The following HECW2 variants were observed in gnomAD, a reference collection of about 807,000 sequenced individuals.
HECW2 encodes HECT, C2 and WW domain containing E3 ubiquitin protein ligase 2.
In HECW2, 61 loss-of-function variants were observed where a neutral mutation model predicts 175.2. The observed-to-expected ratio is 0.35, with a 90% confidence interval of 0.28 to 0.43. The LOEUF (loss-of-function observed/expected upper bound fraction) is 0.43. Among genes scored for constraint, HECW2 ranks in the 20% least tolerant of loss-of-function variants. The pLI is 1.00. For synonymous variants in HECW2, 671 were observed against 731.0 expected, an observed-to-expected ratio of 0.92 and a Z score of 1.32; for missense variants, 1,524 against 2,000.5, an observed-to-expected ratio of 0.76 and a Z score of 4.54.
At position 196,547,783 on chromosome 2, in the gene HECW2, G is replaced by C. The variant is rs1177243583; in HGVS notation, c.-36+45725C>G. The stretch of plus-strand genomic sequence containing the variant: ...CTCCCAGTCAGCAGGAAGGAAGAAA[G>C]AGAAATGGCTAGATTTTCCCCCATT... On this transcript the variant is annotated intron_variant, in intron 1 of 28. Transcript: ENST00000644978. Among the ~76,000 whole-genome samples the C allele has an allele frequency of 2.6e-5, 4 of 152,224 alleles. No homozygotes were observed. In the East Asian group the frequency reaches 7.7e-4, roughly 29 times the overall value.
In HECW2 at chr2:196,299,050, G is replaced by C. The variant is rs1357613904; in HGVS notation, c.2815-6300C>G. ...ATTAATTCATACCTTGAGACTTCTA[G>C]CAAGACAAATTCAGCTACTTCAATA... On this transcript the variant is annotated intron_variant, in intron 13 of 28. Coordinates refer to ENST00000644978, the MANE Select transcript of HECW2 (RefSeq NM_001348768.2). 3.3e-5 allele frequency among the ~76,000 whole-genome samples: 5 copies of C among 152,210 alleles called. No homozygotes were observed. In the East Asian group the frequency reaches 9.7e-4, roughly 29 times the overall value.
At chr2:196,471,969 C>G (rs1025297080) in intron 1 of HECW2, among the ~76,000 whole-genome samples, 2 of 122,446 alleles carry the variant, frequency 1.6e-5, no homozygotes, top group Non-Finnish European at 3.3e-5. Flanking sequence ...GAACCTAAAA[C>G]AAAAGTTTAA....
intron 1 of HECW2, among the ~76,000 whole-genome samples, chr2:196,454,753 T>G (rs73989926): frequency 0.011 from 1,662 of 152,318 alleles, 33 homozygotes; most frequent in African/African-American, 0.037. Flanking sequence ...ATTTTATAGC[T>G]GAGTTCAAAT....
chr2:196,258,862 C>T (rs186638658), intron 17 of HECW2, among the ~76,000 whole-genome samples: 2 of 152,236 alleles, frequency 1.3e-5, no homozygotes, highest in South Asian at 2.1e-4. Flanking sequence ...ATTCTGATTC[C>T]TATACCATAA....
intron 19 of HECW2, among the ~76,000 whole-genome samples, chr2:196,252,214 TAAG>T (rs200209574): frequency 0.17 from 25,238 of 148,892 alleles, 2,734 homozygotes; most frequent in East Asian, 0.39. Flanking sequence ...ATAATAATAA[TAAG>T]GCTTCAATGA....
At chr2:196,421,001 T>G (rs543613005) in intron 2 of HECW2, among the ~76,000 whole-genome samples, 1 of 152,256 alleles carries the variant, frequency 6.6e-6, no homozygotes, top group East Asian at 1.9e-4. Flanking sequence ...AAGATCCCAA[T>G]TCATTATATG....
At chr2:196,284,757 T>C (rs991604256) in intron 14 of HECW2, among the ~76,000 whole-genome samples, 4 of 152,228 alleles carry the variant, frequency 2.6e-5, no homozygotes, top group Non-Finnish European at 4.4e-5. Context: ...GATCACTTTA[T>C]GTCACAGTTT....
chr2:196,457,173 T>C (rs923674886), intron 1 of HECW2, among the ~76,000 whole-genome samples: 1 of 152,224 alleles, frequency 6.6e-6, no homozygotes, highest in Non-Finnish European at 1.5e-5. Flanking sequence ...ACTACACATA[T>C]GTCTCTGCTC....
chr2:196,403,282 T>C (rs1694872183), intron 2 of HECW2, among the ~76,000 whole-genome samples: 2 of 152,212 alleles, frequency 1.3e-5, no homozygotes, highest in South Asian at 4.1e-4. Flanking sequence ...GCTGACGTAA[T>C]GTACAAGAAA....
rs111741357 is a variant in HECW2, at chr2:196,590,592, T to G, written c.-36+2916A>C. Among the ~76,000 whole-genome samples the G allele has an allele frequency of 5.3e-3, 810 of 152,340 alleles. 8 individuals are homozygous for G. The highest frequency in any genetic ancestry group is 0.018 in the African/African-American group (760 of 41,576). Reference sequence around the variant, plus strand: ...ACACTTCACAACAGAGAAAGCCACCTGGTTAGAGGTTACACAGATACCAAC... The same window carrying G: ...ACACTTCACAACAGAGAAAGCCACCGGGTTAGAGGTTACACAGATACCAAC... On this transcript the variant is annotated intron_variant, in intron 1 of 28. Transcript: ENST00000644978.
At chr2:196,375,004 A>G (rs892594387) in intron 2 of HECW2, among the ~76,000 whole-genome samples, 5 of 151,950 alleles carry the variant, frequency 3.3e-5, no homozygotes, top group Non-Finnish European at 7.4e-5. Context: ...CTACTAAAAA[A>G]TACAAAAATT....
rs1378621 is a variant in HECW2, at chr2:196,278,508, C to G, written c.3135+20G>C. Reference sequence around the variant, plus strand: ...AGCTTCTATCAACCAACAGGTCAGTCCCCAAAACGCATGACTCACCTCACC... The same window carrying G: ...AGCTTCTATCAACCAACAGGTCAGTGCCCAAAACGCATGACTCACCTCACC... On this transcript the variant is annotated intron_variant, in intron 15 of 28. Coordinates refer to ENST00000644978, the MANE Select transcript of HECW2 (RefSeq NM_001348768.2). 8,538 of 1,612,026 alleles carry G rather than the reference C, an allele frequency of 5.3e-3. 354 individuals carry two copies. The African/African-American group carries it at 0.094, about 18-fold the overall frequency.
intron 28 of HECW2, 123 bp from the exon 29 acceptor site, chr2:196,201,511 T>G: frequency 1.8e-6 from 1 of 553,628 alleles, no homozygotes; most frequent in Admixed American, 3.2e-5. Flanking sequence ...ATTTATTTGT[T>G]GCCAATTTTC....
chr2:196,208,649 A>G (rs76420057), intron 28 of HECW2, among the ~76,000 whole-genome samples: 4,264 of 152,308 alleles, frequency 0.028, 189 homozygotes, highest in African/African-American at 0.095. Flanking sequence ...AGTCTTGGGG[A>G]CAAGAAAGAG....
chr2:196,342,333 G>A (rs1478593740), intron 3 of HECW2, among the ~76,000 whole-genome samples: 1 of 151,432 alleles, frequency 6.6e-6, no homozygotes, highest in African/African-American at 2.4e-5. Flanking sequence ...GAACCCGGGA[G>A]GCGGAGGTTG....
chr2:196,273,088 A>G (rs1175213310), intron 16 of HECW2, among the ~76,000 whole-genome samples: 3 of 76,828 alleles, frequency 3.9e-5, no homozygotes, highest in East Asian at 3.7e-4. Context: ...TTTTTTTTTG[A>G]GATTGGGTCT....
intron 26 of HECW2, chr2:196,217,330 G>A (rs1687513737): frequency 7.4e-6 from 3 of 403,340 alleles, no homozygotes; most frequent in Non-Finnish European, 1.3e-5. Context: ...CGGTCACTAA[G>A]TGAAACTAGT....
intron 21 of HECW2, among the ~76,000 whole-genome samples, chr2:196,235,481 C>T (rs754351352): frequency 6.6e-6 from 1 of 151,900 alleles, no homozygotes; most frequent in Non-Finnish European, 1.5e-5. Flanking sequence ...TTGCAGCCAT[C>T]CTGTAAATTT....
intron 1 of HECW2, among the ~76,000 whole-genome samples, chr2:196,515,453 G>A (rs1004572025): frequency 6.6e-6 from 1 of 152,196 alleles, no homozygotes; most frequent in African/African-American, 2.4e-5. Context: ...ATGACACCCT[G>A]ACATCTAAAC....
Sources: gnomAD v4.1 joint callset for allele counts (sites outside exome capture counted in the v4.1 genomes callset) on GRCh38, gnomAD v4.1.1 for gene constraint, MANE v1.5 for transcripts, NCBI Gene and HGNC (gene_info 2026-07-23, HGNC 2026-07-21) for gene names.